The following TMC4 variants were observed in gnomAD, a reference collection of about 807,000 sequenced individuals.
TMC4 encodes the protein transmembrane channel like 4.
In TMC4, 70 loss-of-function variants were observed where a neutral mutation model predicts 82.0. The observed-to-expected ratio is 0.85, with a 90% CI of 0.70 to 1.04. The LOEUF (loss-of-function observed/expected upper bound fraction) is 1.04. Among genes scored for constraint, TMC4 ranks in the 50% least tolerant of loss-of-function variants. The pLI is 0.00. For synonymous variants in TMC4, 446 were observed against 406.0 expected, an observed-to-expected ratio of 1.10 and a Z score of -1.18; for missense variants, 879 against 899.0, an observed-to-expected ratio of 0.98 and a Z score of 0.28.
chr19:54,168,743 C>T, intron 3 of TMC4, 63 bp from the exon 4 acceptor site: 2 of 1,093,494 alleles, frequency 1.8e-6, no homozygotes, highest in Non-Finnish European at 2.4e-6. Context: ...CCCCTCCTAC[C>T]CCTGGACTGG....
intron 5 of TMC4, among the ~76,000 whole-genome samples, chr19:54,167,560 A>AAAAC (rs539545424): frequency 2.6e-5 from 4 of 151,536 alleles, no homozygotes; most frequent in Admixed American, 2.6e-4. Context: ...CTCTGTCTCA[A>AAAAC]AAACAAACAA....
chr19:54,163,012 G>C, intron 9 of TMC4, 21 bp downstream of exon 9: 1 of 1,614,058 alleles, frequency 6.2e-7, no homozygotes, highest in Non-Finnish European at 8.5e-7. Context: ...AGAGTCCCAC[G>C]CACACCCATG....
At chr19:54,162,968 A>T in intron 9 of TMC4, 65 bp downstream of exon 9, 1 of 1,612,740 alleles carries the variant, frequency 6.2e-7, no homozygotes, top group Non-Finnish European at 8.5e-7. Flanking sequence ...AAGAGTCTGG[A>T]CCCACCCAGC....
chr19:54,165,841 G>T (rs550950684), intron 5 of TMC4, among the ~76,000 whole-genome samples: 1 of 152,156 alleles, frequency 6.6e-6, no homozygotes, highest in African/African-American at 2.4e-5. Context: ...CGGAGCGAAG[G>T]GGGCAGAAAC....
Position 54,163,019 on chromosome 19 carries a change from C to T in TMC4, c.1404+14G>A. On this transcript the variant is annotated intron_variant, in intron 9 of 14. Transcript: ENST00000619895. ...GGGACCCAAGAGTCCCACGCACACC[C>T]ATGCCGTTCTCACCGGAAGTTGTTT... 1.2e-6 allele frequency: 2 copies of T among 1,614,170 alleles called. No homozygotes were observed. The highest frequency in any genetic ancestry group is 1.7e-6 in the Non-Finnish European group (2 of 1,180,040).
chr19:54,168,407 C>A, intron 4 of TMC4, 41 bp downstream of exon 4: 1 of 1,521,256 alleles, frequency 6.6e-7, no homozygotes, highest in South Asian at 1.3e-5. Flanking sequence ...GCACTGGGGT[C>A]ACAGGTGGGC....
Position 54,163,170 on chromosome 19 carries a change from G to A in TMC4, c.1278-11C>T. On this transcript the variant is annotated splice_polypyrimidine_tract_variant and intron_variant, in intron 8 of 14. Coordinates refer to ENST00000619895, the MANE Select transcript of TMC4 (RefSeq NM_144686.4). ...CGAAGAAACACGGTCCTGAAGGGGG[G>A]AAGGCAGAGAATGGGCCCTGACCCG... 1 of 1,613,598 alleles carries A rather than the reference G, an allele frequency of 6.2e-7. No homozygotes were observed. The highest frequency in any genetic ancestry group is 2.2e-5 in the East Asian group (1 of 44,798).
chr19:54,167,478 G>T (rs1420317123), intron 5 of TMC4, among the ~76,000 whole-genome samples: 1 of 151,780 alleles, frequency 6.6e-6, no homozygotes, highest in African/African-American at 2.4e-5. Flanking sequence ...AGAATCGCTT[G>T]AACCCGGGAG....
At position 54,172,033 on chromosome 19, in the gene TMC4, G is replaced by A. The variant is rs200450643; in HGVS notation, c.130C>T (p.Arg44Trp). Residue 44 changes from arginine (R) to tryptophan (W), a missense_variant, in exon 2 of 15, where the codon CGG becomes TGG. By Grantham distance (101) the Arg-to-Trp change is moderately radical. Transcript: ENST00000619895. The stretch of plus-strand genomic sequence containing the variant: ...GGCAGCACCCCAGGGTCTCGGTACC[G>A]AAGGGTGGCAGCACTGGGCAGCTCG... ...LNELPSAATL[R>W]YRDPGVLPWG... 3.0e-5 allele frequency: 48 copies of A among 1,613,028 alleles called. No homozygotes were observed. In the African/African-American group the frequency reaches 4.3e-4, roughly 14 times the overall value.
rs943017040 is a variant in TMC4, at chr19:54,166,551, C to T, written c.798-985G>A. On this transcript the variant is annotated intron_variant, in intron 5 of 14. Coordinates refer to ENST00000619895, the MANE Select transcript of TMC4 (RefSeq NM_144686.4). The stretch of plus-strand genomic sequence containing the variant: ...TGGTCTCCTTGCTTCCACTTGTGCC[C>T]GCATATAATCCATTCTCAGTTCTTG... Among the ~76,000 whole-genome samples, 15 of 152,140 alleles carry T rather than the reference C, an allele frequency of 9.9e-5. 1 individual carries two copies. The highest frequency in any genetic ancestry group is 7.9e-4 in the Admixed American group (12 of 15,260).
Position 54,168,153 on chromosome 19 carries a change from G to A in TMC4, c.797+18C>T. On this transcript the variant is annotated intron_variant, in intron 5 of 14. Coordinates refer to ENST00000619895, the MANE Select transcript of TMC4 (RefSeq NM_144686.4). ...CCAACCCGTCCCGTCAGGGGTCAGG[G>A]GTGCAGGTGCCACTGACCGATGCAG... The A allele has an allele frequency of 6.3e-7, 1 of 1,596,496 alleles. No homozygotes were observed. The highest frequency in any genetic ancestry group is 8.5e-7 in the Non-Finnish European group (1 of 1,171,150).
rs199540906 is a variant in TMC4 at position 54,171,909 on chromosome 19, C to T, written c.254G>A (p.Arg85Gln). 3.8e-5 allele frequency: 62 copies of T among 1,612,374 alleles called. No homozygotes were observed. The highest frequency in any genetic ancestry group is 6.7e-5 in the East Asian group (3 of 44,822). The change falls in exon 2 of 15, where the codon CGG (arginine) becomes CAG (glutamine). Residue 85 changes from arginine to glutamine, a missense_variant. Arg to Gln is a conservative substitution (Grantham distance 43). Coordinates refer to ENST00000619895, the MANE Select transcript of TMC4 (RefSeq NM_144686.4). ...QTELQDPHPS[R>Q]ELPWPMQARR... ...GGCCTGCATGGGCCAGGGCAGTTCC[C>T]GGGAAGGGTGAGGGTCCTGCAGCTC...
chr19:54,171,713 G>A (rs868252573), intron 2 of TMC4, among the ~76,000 whole-genome samples, 157 bp downstream of exon 2: 11 of 152,302 alleles, frequency 7.2e-5, no homozygotes, highest in South Asian at 2.1e-4. Flanking sequence ...ACAAAGATGA[G>A]GGGAAGAAAG....
In TMC4 at chr19:54,168,272, A is replaced by C; in HGVS notation, c.696T>G (p.Pro232=). 1.3e-6 allele frequency: 2 copies of C among 1,555,332 alleles called. No individual in the cohort carries two copies. Among genetic ancestry groups the C allele is most frequent in the Non-Finnish European group, 1.7e-6 (2 of 1,149,030 alleles). ...LSGEGYLEWS[P]LFYGFYPPRP... ...GGGGCGGGTAGAAGCCATAGAAGAG[A>C]GGGGACCATTCCAGGTAACCCTGTG... is the stretch of plus-strand genomic sequence containing the variant. Residue 232 remains proline, a synonymous_variant, in exon 5 of 15, where the codon CCT becomes CCG. Transcript: ENST00000619895.
At chr19:54,163,245 A>T in intron 8 of TMC4, 86 bp from the exon 9 acceptor site, 1 of 1,523,422 alleles carries the variant, frequency 6.6e-7, no homozygotes, top group Non-Finnish European at 8.9e-7. Context: ...CCCGCATTCA[A>T]CCCATCTCAC....
At position 54,168,779 on chromosome 19, in the gene TMC4, CTTTCTTTTCTTTTCTTTCTTTTCT is replaced by C. The variant is rs2075773065; in HGVS notation, c.443-123_443-100del. On this transcript the variant is annotated intron_variant, in intron 3 of 14. Coordinates refer to ENST00000619895, the MANE Select transcript of TMC4 (RefSeq NM_144686.4). The stretch of plus-strand genomic sequence containing the variant: ...GGTCCAGCCGCGCCTTCCTTTCTTT[CTTTCTTTTCTTTTCTTTCTTTTCT>C]TTTCTTTTCTTTTCTTTTCTTTTCT... 4 of 343,890 alleles carry C rather than the reference CTTTCTTTTCTTTTCTTTCTTTTCT, an allele frequency of 1.2e-5. 1 individual carries two copies. The highest frequency in any genetic ancestry group is 1.4e-5 in the Non-Finnish European group (3 of 213,486). The allele number at this position is 343,890 out of a possible 1,614,324, so 21.3% of individuals were successfully genotyped here.
Position 54,169,595 on chromosome 19 carries a change from C to T in TMC4, c.359G>A (p.Arg120Gln), listed in dbSNP as rs773710360. 20 of 1,613,972 alleles carry T rather than the reference C, an allele frequency of 1.2e-5. No individual in the cohort carries two copies. Among genetic ancestry groups the T allele is most frequent in the Middle Eastern group, 1.6e-4 (1 of 6,062 alleles). The change falls in exon 3 of 15, where the codon CGG becomes CAG. Residue 120 changes from arginine (R) to glutamine (Q), a missense_variant. Arg to Gln is a conservative substitution (Grantham distance 43, BLOSUM62 1). Transcript: ENST00000619895. ...TTTCTCCTTGGACCTCCGAAGTAGC[C>T]GCGCCCATCGGTCCGTCTTAGTTCC... ...GSGTKTDRWARLLRRSKEKTK... is the reference protein window; with the variant it reads ...GSGTKTDRWAQLLRRSKEKTK...
Position 54,164,759 on chromosome 19 carries a change from A to G in TMC4, c.946-158T>C, listed in dbSNP as rs538573199. On this transcript the variant is annotated intron_variant, in intron 6 of 14. Coordinates refer to ENST00000619895, the MANE Select transcript of TMC4 (RefSeq NM_144686.4). ...CTGCAGTCCTGGTTCCACCTGCTCC[A>G]GGAAACCAGCGGCCCTTTACAGCCC... 4.9e-4 allele frequency: 459 copies of G among 939,654 alleles called. 11 individuals carry two copies. The East Asian group carries it at 0.012, about 24-fold the overall frequency. The allele number at this position is 939,654 out of a possible 1,614,324, so 58.2% of individuals were successfully genotyped here.
chr19:54,160,712 C>T (rs2075522139), intron 13 of TMC4, 166 bp downstream of exon 13: 4 of 1,411,104 alleles, frequency 2.8e-6, no homozygotes, highest in South Asian at 2.7e-5. Flanking sequence ...TCCTACGTCC[C>T]GCCCACCTCC....
Sources: gnomAD v4.1 joint callset for allele counts (sites outside exome capture counted in the v4.1 genomes callset) on GRCh38, gnomAD v4.1.1 for gene constraint, MANE v1.5 for transcripts, NCBI Gene and HGNC (gene_info 2026-07-23, HGNC 2026-07-21) for gene names.